Variants in BRWD3 observed in about 807,000 individuals in gnomAD.
BRWD3 encodes bromodomain and WD repeat-containing protein 3.
BRWD3 carries 10 observed loss-of-function variants against 149.7 expected under a neutral mutation model. That is an observed-to-expected ratio of 0.07 (90% confidence interval 0.04 to 0.11). The LOEUF (loss-of-function observed/expected upper bound fraction) is 0.11. BRWD3 is among the 10% of genes least tolerant of loss of function. The pLI, the probability that BRWD3 is intolerant of heterozygous loss-of-function variation, is 1.00. For missense variants in BRWD3, 940 were observed against 1,373.2 expected (o/e 0.68, Z 4.99); for synonymous variants, 504 against 456.7 (o/e 1.10, Z -1.32).
chrX:80,733,240 G>T, intron 12 of BRWD3: 2 of 339,027 alleles, frequency 5.9e-6, no homozygotes, highest in East Asian at 1.0e-4. Context: ...AAACAAAGAA[G>T]AAAGCACTCA....
chrX:80,793,151 ACT>A lies in BRWD3; in HGVS notation c.331+469_331+470del, dbSNP rs1383824234. ...CACTCCAGCCTGGTGACAGAGCAAG[ACT>A]CTGTCTCAAAAAAAAAAAAAAAAAA... On this transcript the variant is annotated intron_variant, in intron 5 of 40. Coordinates refer to ENST00000373275, the MANE Select transcript of BRWD3 (RefSeq NM_153252.5). Among the ~76,000 whole-genome samples the A allele has an allele frequency of 1.8e-4, 11 of 60,550 alleles. No homozygotes were observed. In the East Asian group the frequency reaches 3.3e-3, roughly 18 times the overall value. The allele number at this position is 60,550 out of a possible 115,157, so 52.6% of individuals were successfully genotyped here. A position where few individuals can be genotyped will look rare whatever the true frequency, so the allele number is the denominator to read the frequency against.
In BRWD3 at chrX:80,691,711, TA is replaced by T. The variant is rs2072613240; in HGVS notation, c.3481+111del. 9.3e-6 allele frequency: 9 copies of T among 965,248 alleles called. No individual in the cohort carries two copies. The Admixed American group carries it at 2.2e-4, about 23-fold the overall frequency. The allele number at this position is 965,248 out of a possible 1,213,427, so 79.5% of individuals were successfully genotyped here. A position where few individuals can be genotyped will look rare whatever the true frequency, so the allele number is the denominator to read the frequency against. On this transcript the variant is annotated intron_variant, in intron 30 of 40. Coordinates refer to ENST00000373275, the MANE Select transcript of BRWD3 (RefSeq NM_153252.5). The stretch of plus-strand genomic sequence containing the variant: ...ACTAGAATCACTGTGCTTCTTGAGT[TA>T]AAACTGAAGTGTACAGTGAGAAACT...
rs753068669 is a variant in BRWD3 at position 80,809,021 on chromosome X, C to G, written c.112G>C (p.Glu38Gln). The G allele has an allele frequency of 4.2e-6, 5 of 1,193,971 alleles. No homozygotes were observed. The highest frequency in any genetic ancestry group is 5.6e-6 in the Non-Finnish European group (5 of 887,136). Residue 38 changes from glutamate to glutamine, a missense_variant, in exon 3 of 41, where the codon GAG becomes CAG. Around this residue, in one of 6 missense-constraint regions of BRWD3, gnomAD observed 105 missense variants for 127.7 expected, o/e 0.82. Coordinates refer to ENST00000373275, the MANE Select transcript of BRWD3 (RefSeq NM_153252.5). ...SAQVLVQELE[E>Q]HQLIPRRLDW... ...CCGAAGGGGCTCCGTACCTGATGCTCCTCGAGCTCCTGCACTAGCACCTGA... is the reference window on the plus strand; with the variant it reads ...CCGAAGGGGCTCCGTACCTGATGCTGCTCGAGCTCCTGCACTAGCACCTGA...
At chrX:80,718,096 G>A (rs2147746168) in intron 18 of BRWD3, among the ~76,000 whole-genome samples, 1 of 111,483 alleles carries the variant, frequency 9.0e-6, no homozygotes, top group African/African-American at 3.2e-5. Context: ...GTTCAGGAAG[G>A]AGCTTTTTGA....
chrX:80,740,680 T>G (rs2073473929), intron 8 of BRWD3, among the ~76,000 whole-genome samples: 1 of 108,828 alleles, frequency 9.2e-6, no homozygotes, highest in Admixed American at 9.8e-5. Context: ...ACCTGGGAGG[T>G]GGAGGCTGCA....
intron 8 of BRWD3, among the ~76,000 whole-genome samples, chrX:80,736,327 TA>T (rs1470467466): frequency 3.6e-5 from 4 of 111,788 alleles, no homozygotes; most frequent in Middle Eastern, 4.7e-3. Context: ...GTTTTAGTTA[TA>T]AAAAAATTAC....
chrX:80,726,398 A>T (rs916256815), intron 14 of BRWD3, among the ~76,000 whole-genome samples: 2 of 110,436 alleles, frequency 1.8e-5, no homozygotes, highest in African/African-American at 6.6e-5. Context: ...TAACATGTTT[A>T]CATATGTTAT....
At chrX:80,682,305 A>G (rs1401561224) in intron 38 of BRWD3, among the ~76,000 whole-genome samples, 160 bp downstream of exon 38, 1 of 111,917 alleles carries the variant, frequency 8.9e-6, no homozygotes, top group Non-Finnish European at 1.9e-5. Context: ...CCACATAAAT[A>G]GTACTTTTGA....
intron 5 of BRWD3, among the ~76,000 whole-genome samples, chrX:80,793,160 CAAAAAA>C (rs201065966): frequency 6.7e-5 from 3 of 44,464 alleles, no homozygotes; most frequent in Non-Finnish European, 8.1e-5. Flanking sequence ...GACTCTGTCT[CAAAAAA>C]AAAAAAAAAA....
intron 6 of BRWD3, among the ~76,000 whole-genome samples, chrX:80,782,525 G>A (rs1301029249): frequency 9.0e-6 from 1 of 111,385 alleles, no homozygotes; most frequent in Non-Finnish European, 1.9e-5. Flanking sequence ...CACAACAAAG[G>A]AAACAATCAA....
chrX:80,786,756 C>T (rs924372382), intron 6 of BRWD3, among the ~76,000 whole-genome samples: 2 of 111,697 alleles, frequency 1.8e-5, no homozygotes, highest in Admixed American at 9.5e-5. Flanking sequence ...CTGATGTGCC[C>T]GTCTCGGCCT....
intron 6 of BRWD3, among the ~76,000 whole-genome samples, chrX:80,754,548 T>C (rs1377550229): frequency 1.8e-5 from 2 of 112,123 alleles, no homozygotes; most frequent in Non-Finnish European, 3.8e-5. Flanking sequence ...CTATGTTGAA[T>C]AGGAGTGAAA....
At chrX:80,755,002 C>T (rs778077770) in intron 6 of BRWD3, among the ~76,000 whole-genome samples, 21 of 110,533 alleles carry the variant, frequency 1.9e-4, no homozygotes, top group Non-Finnish European at 3.4e-4. Context: ...AGCGAAACTC[C>T]GTCTCAAATT....
At chrX:80,777,149 C>T in intron 6 of BRWD3, among the ~76,000 whole-genome samples, 1 of 109,498 alleles carries the variant, frequency 9.1e-6, no homozygotes, top group Non-Finnish European at 1.9e-5. Context: ...TAAGACCCCC[C>T]CCCACGAAAA....
At position 80,676,792 on chromosome X, in the gene BRWD3, A is replaced by C. The variant is rs759807600; in HGVS notation, c.5226T>G (p.Ser1742Arg). 1 of 1,211,159 alleles carries C rather than the reference A, an allele frequency of 8.3e-7. No individual in the cohort carries two copies. Among genetic ancestry groups the C allele is most frequent in the Admixed American group, 2.2e-5 (1 of 45,937 alleles). ...TTCTTGTTTTAATTCGAGGCAGTCT[A>C]CTGAAACGTCCTGAAAACATGGTAT... is the stretch of plus-strand genomic sequence containing the variant. Reference protein sequence around the residue: ...EFDTMFSGRFSRLPRIKTRNQ... With the variant: ...EFDTMFSGRFRRLPRIKTRNQ... Residue 1742 changes from serine to arginine, a missense_variant, in exon 41 of 41, where the codon AGT (serine) becomes AGG (arginine). This residue lies in a region of BRWD3 where 349 missense variants were observed against 419.6 expected (regional missense o/e 0.83). Transcript: ENST00000373275.
In BRWD3 at chrX:80,809,700, G is replaced by GGAGAGA. The variant is rs545281823; in HGVS notation, c.-235_-230dup. On this transcript the variant is annotated 5_prime_UTR_variant, in exon 1 of 41. Transcript: ENST00000373275. ...AGGAGGAAGGAGAGGAGAGGGAGAG[G>GGAGAGA]GAGAGAGAGAGTGAGTGAGTGAGAG... is the stretch of plus-strand genomic sequence containing the variant. 6.5e-6 allele frequency: 2 copies of GGAGAGA among 310,028 alleles called. No homozygotes were observed. Among genetic ancestry groups the GGAGAGA allele is most frequent in the East Asian group, 4.9e-5 (1 of 20,581 alleles). 25.5% of individuals were successfully genotyped at this position (310,028 alleles called of 1,213,427 possible).
chrX:80,742,957 T>C (rs1262185924), intron 8 of BRWD3, among the ~76,000 whole-genome samples: 6 of 111,527 alleles, frequency 5.4e-5, no homozygotes, highest in East Asian at 2.8e-4. Context: ...TGAGAGAGGG[T>C]ATCCCTGTCT....
intron 4 of BRWD3, among the ~76,000 whole-genome samples, chrX:80,808,104 T>G (rs1038235638): frequency 2.6e-5 from 2 of 77,335 alleles, no homozygotes; most frequent in African/African-American, 1.0e-4. Flanking sequence ...TGGCCTTAGT[T>G]CCCGTATTTC....
intron 17 of BRWD3, among the ~76,000 whole-genome samples, chrX:80,720,779 T>C (rs1307762232): frequency 8.9e-6 from 1 of 112,007 alleles, no homozygotes; most frequent in African/African-American, 3.2e-5. Context: ...TAAGCTCCAT[T>C]CCATGGTAAG....
Sources: gnomAD v4.1 joint callset for allele counts (sites outside exome capture counted in the v4.1 genomes callset) on GRCh38, gnomAD v4.1.1 for gene constraint, gnomAD v4.1.1 regional missense constraint, MANE v1.5 for transcripts, NCBI Gene and HGNC (gene_info 2026-07-23, HGNC 2026-07-21) for gene names.